WASHC5: variants seen among roughly 807,000 people sequenced by gnomAD.
The protein encoded by WASHC5 is WASH complex subunit 5.
In WASHC5, 101 loss-of-function variants were observed where a neutral mutation model predicts 150.4. The ratio of observed to expected loss-of-function variants is 0.67; its 90% CI spans 0.57 to 0.79. The LOEUF (loss-of-function observed/expected upper bound fraction) is 0.79, where lower values mean the gene tolerates loss of function less well. Ranked by LOEUF, WASHC5 falls within the 30% of genes least tolerant of loss-of-function variation. The probability of loss-of-function intolerance (pLI) is 0.00; values close to 1 mark genes in which losing one functional copy is unlikely to be tolerated. For synonymous variants in WASHC5, 467 were observed against 491.2 expected, an observed-to-expected ratio of 0.95 and a Z score of 0.65; for missense variants, 1,195 against 1,396.3, an observed-to-expected ratio of 0.86 and a Z score of 2.30.
chr8:125,030,473 G>A (rs747973751), intron 27 of WASHC5, among the ~76,000 whole-genome samples: 1 of 152,058 alleles, frequency 6.6e-6, no homozygotes, highest in Non-Finnish European at 1.5e-5. Flanking sequence ...AGGAGGAGGA[G>A]CTGGCCTGAC....
chr8:125,052,812 T>G (rs1816284390), intron 17 of WASHC5, among the ~76,000 whole-genome samples: 1 of 152,164 alleles, frequency 6.6e-6, no homozygotes, highest in African/African-American at 2.4e-5. Context: ...CTCCTTGACT[T>G]AAGATGGGGT....
Position 125,073,290 on chromosome 8 carries a change from T to C in WASHC5, c.1013A>G (p.His338Arg), listed in dbSNP as rs1816955959. 1.2e-6 allele frequency: 2 copies of C among 1,614,052 alleles called. No individual in the cohort carries two copies. Among genetic ancestry groups the C allele is most frequent in the Non-Finnish European group, 1.7e-6 (2 of 1,179,910 alleles). The change falls in exon 9 of 29, where the codon CAT (histidine) becomes CGT (arginine). Residue 338 changes from histidine to arginine, a missense_variant. His to Arg is a conservative substitution (Grantham distance 29, BLOSUM62 0). This residue lies in a region of WASHC5 where 997 missense variants were observed against 1,168.1 expected (regional missense o/e 0.85). Coordinates refer to ENST00000318410, the MANE Select transcript of WASHC5 (RefSeq NM_014846.4). ...TTTTAGAAATTGCTGCACTTGAGCA[T>C]GCACTCTTTCACTGACAGTAGCATA... ...SRYATVSERV[H>R]AQVQQFLKEG...
At chr8:125,068,085 T>C (rs957532745) in intron 9 of WASHC5, among the ~76,000 whole-genome samples, 1 of 152,200 alleles carries the variant, frequency 6.6e-6, no homozygotes, top group Non-Finnish European at 1.5e-5. Flanking sequence ...ACGTCCTGTC[T>C]GTTCGGAGTT....
At chr8:125,057,012 T>C (rs1404222255) in intron 15 of WASHC5, among the ~76,000 whole-genome samples, 195 bp from the exon 16 acceptor site, 1 of 152,186 alleles carries the variant, frequency 6.6e-6, no homozygotes, top group Admixed American at 6.5e-5. Context: ...AGCTAATCCT[T>C]CTAAAAATGC....
intron 23 of WASHC5, among the ~76,000 whole-genome samples, chr8:125,041,185 A>C (rs1815873289): frequency 6.6e-6 from 1 of 152,206 alleles, no homozygotes; most frequent in Non-Finnish European, 1.5e-5. Context: ...GCACACTCTA[A>C]CTTTTTCTGC....
chr8:125,072,357 G>A (rs1816923114), intron 9 of WASHC5, among the ~76,000 whole-genome samples: 1 of 113,474 alleles, frequency 8.8e-6, no homozygotes, highest in Admixed American at 9.1e-5. Context: ...AAAAGTGGGG[G>A]GGGGGGGCGG....
chr8:125,063,546 G>T lies in WASHC5; in HGVS notation c.1384C>A (p.Pro462Thr). Residue 462 changes from proline (P) to threonine (T), a missense_variant, in exon 11 of 29, where the codon CCC (proline) becomes ACC (threonine). Physicochemically the swap from Pro to Thr is conservative, Grantham distance 38. Transcript: ENST00000318410. The part of the protein sequence containing the change: ...ELADVFSGVK[P>T]LTRVEKNENL... Reference sequence around the variant, plus strand: ...CCATTTTTCTCCACTCTGGTTAGGGGTTTCACTCCTGAAAAGACATCAGCA... The same window carrying T: ...CCATTTTTCTCCACTCTGGTTAGGGTTTTCACTCCTGAAAAGACATCAGCA... 6.2e-7 allele frequency: 1 copy of T among 1,613,864 alleles called. No homozygotes were observed. The highest frequency in any genetic ancestry group is 8.5e-7 in the Non-Finnish European group (1 of 1,179,866).
chr8:125,084,148 G>A (rs1457413390), intron 1 of WASHC5, 126 bp from the exon 2 acceptor site: 2 of 470,540 alleles, frequency 4.3e-6, no homozygotes, highest in Non-Finnish European at 7.8e-6. Context: ...TCCTTTATAG[G>A]GGAAAGGGTG....
chr8:125,063,562 G>C lies in WASHC5; in HGVS notation c.1368C>G (p.Val456=). Residue 456 remains valine, a synonymous_variant, in exon 11 of 29, where the codon GTC becomes GTG. Coordinates refer to ENST00000318410, the MANE Select transcript of WASHC5 (RefSeq NM_014846.4). ...GSERMTELAD[V]FSGVKPLTRV... ...TGGTTAGGGGTTTCACTCCTGAAAA[G>C]ACATCAGCAAGCTCAGTCATCCGCT... The C allele has an allele frequency of 1.2e-6, 2 of 1,613,938 alleles. No homozygotes were observed. Among genetic ancestry groups the C allele is most frequent in the Middle Eastern group, 1.6e-4 (1 of 6,062 alleles).
rs1816161681 is a variant in WASHC5, at chr8:125,049,138, A to G, written c.2247T>C (p.Asp749=). 6.2e-7 allele frequency: 1 copy of G among 1,614,074 alleles called. No homozygotes were observed. Residue 749 remains aspartate, a synonymous_variant, in exon 19 of 29, where the codon GAT becomes GAC. Transcript: ENST00000318410. ...TGTATTCAAAAGAACGATGGAATCC[A>G]TCCATGGTCGCTCCCAACTCTTTCA... ...PKLKELGATM[D]GFHRSFEYIQ...
intron 1 of WASHC5, among the ~76,000 whole-genome samples, chr8:125,091,227 A>G (rs2130260431): frequency 6.6e-6 from 1 of 152,184 alleles, no homozygotes; most frequent in Non-Finnish European, 1.5e-5. Context: ...CCAAACTCAC[A>G]GCCCATGGCA....
At chr8:125,088,929 A>G (rs1586396476) in intron 1 of WASHC5, among the ~76,000 whole-genome samples, 1 of 152,306 alleles carries the variant, frequency 6.6e-6, no homozygotes, top group Non-Finnish European at 1.5e-5. Flanking sequence ...CAAGGTGGCT[A>G]AAGTGGCTGG....
At chr8:125,084,085 A>G in intron 1 of WASHC5, 63 bp from the exon 2 acceptor site, 1 of 602,088 alleles carries the variant, frequency 1.7e-6, no homozygotes, top group Non-Finnish European at 2.9e-6. Flanking sequence ...TGTACACATA[A>G]GAAACACATT....
At chr8:125,062,910 G>A (rs1011495213) in intron 11 of WASHC5, among the ~76,000 whole-genome samples, 4 of 152,126 alleles carry the variant, frequency 2.6e-5, no homozygotes, top group Non-Finnish European at 5.9e-5. Context: ...AATGATGCCA[G>A]AACTTTCCTA....
At chr8:125,076,763 T>TCAAAAAAAAAAAAAAC (rs1817076095) in intron 6 of WASHC5, among the ~76,000 whole-genome samples, 3 of 120,954 alleles carry the variant, frequency 2.5e-5, no homozygotes, top group African/African-American at 1.4e-4. Context: ...AAAAAAAAAG[T>TCAAAAAAAAAAAAAAC]CCCATTCCTG....
At chr8:125,052,750 A>G (rs1234686029) in intron 17 of WASHC5, among the ~76,000 whole-genome samples, 1 of 152,170 alleles carries the variant, frequency 6.6e-6, no homozygotes, top group Non-Finnish European at 1.5e-5. Context: ...CGAATGCACC[A>G]TGGAATATTT....
chr8:125,070,726 T>G (rs1419547164), intron 9 of WASHC5, among the ~76,000 whole-genome samples: 2 of 152,236 alleles, frequency 1.3e-5, no homozygotes, highest in East Asian at 3.8e-4. Flanking sequence ...GATTAAAAAC[T>G]TCAGCCATCG....
At chr8:125,029,579 C>T (rs4007685) in intron 27 of WASHC5, among the ~76,000 whole-genome samples, 7 of 151,950 alleles carry the variant, frequency 4.6e-5, no homozygotes, top group East Asian at 1.9e-4. Context: ...GCATATTTGA[C>T]GGTATCAAAT....
intron 20 of WASHC5, among the ~76,000 whole-genome samples, chr8:125,045,637 C>T (rs1563614929): frequency 1.3e-5 from 2 of 152,206 alleles, no homozygotes; most frequent in East Asian, 1.9e-4. Flanking sequence ...CAGAAGGAGG[C>T]GTGAGAAGGG....
Sources: allele counts gnomAD v4.1 joint callset (sites outside exome capture counted in the v4.1 genomes callset), GRCh38; gene constraint gnomAD v4.1.1; regional missense constraint gnomAD v4.1.1; transcripts MANE v1.5; gene names NCBI Gene and HGNC (gene_info 2026-07-23, HGNC 2026-07-21).